SLC3A2: variants seen among roughly 807,000 people sequenced by gnomAD.
SLC3A2 encodes the protein solute carrier family 3 member 2.
SLC3A2 carries 32 observed loss-of-function variants against 48.5 expected under a neutral mutation model. That is an observed-to-expected ratio of 0.66 (90% CI 0.50 to 0.89). The LOEUF is 0.89. SLC3A2 is among the 40% of genes least tolerant of loss of function. The probability of loss-of-function intolerance (pLI) is 0.00; values close to 1 mark genes in which losing one functional copy is unlikely to be tolerated. For synonymous variants in SLC3A2, 277 were observed against 288.8 expected (o/e 0.96, Z 0.41); for missense variants, 587 against 680.7 (o/e 0.86, Z 1.53).
intron 1 of SLC3A2, among the ~76,000 whole-genome samples, chr11:62,862,059 G>A (rs897602547): frequency 6.6e-6 from 1 of 151,914 alleles, no homozygotes; most frequent in Non-Finnish European, 1.5e-5. Flanking sequence ...TGGCTTACCT[G>A]TAATCCCAGC....
chr11:62,878,028 C>T (rs576127062), upstream of SLC3A2, among the ~76,000 whole-genome samples: 18 of 152,068 alleles, frequency 1.2e-4, no homozygotes, highest in South Asian at 6.2e-4. Context: ...TGGCGGTGCA[C>T]GCCTCCTATA....
At chr11:62,882,179 A>G (rs2085650835) in intron 2 of SLC3A2, 113 bp downstream of exon 2, 2 of 1,230,578 alleles carry the variant, frequency 1.6e-6, no homozygotes, top group Non-Finnish European at 2.3e-6. Context: ...TTCCTAGGGC[A>G]GGTAGAGGGG....
At chr11:62,876,891 T>G (rs1249188762), upstream of SLC3A2, 51 of 1,015,322 alleles carry the variant, frequency 5.0e-5, no homozygotes, top group Non-Finnish European at 5.8e-5. Flanking sequence ...TGAGCCACAG[T>G]GCCTGGCAGT....
At chr11:62,867,145 C>G (rs1310043088) in intron 1 of SLC3A2, among the ~76,000 whole-genome samples, 3 of 151,662 alleles carry the variant, frequency 2.0e-5, no homozygotes, top group East Asian at 1.9e-4. Flanking sequence ...CATGCGCTAC[C>G]ACGCCCAGCT....
At chr11:62,876,853 CG>C, upstream of SLC3A2, 1 of 979,218 alleles carries the variant, frequency 1.0e-6, no homozygotes, top group South Asian at 2.0e-5. Context: ...CCGACTGCCT[CG>C]GCCTCCGGAA....
At chr11:62,882,875 G>C in intron 2 of SLC3A2, 33 bp from the exon 3 acceptor site, 1 of 1,519,310 alleles carries the variant, frequency 6.6e-7, no homozygotes. Context: ...CTCATAGACT[G>C]TCTCATGATT....
upstream of SLC3A2, chr11:62,880,712 C>G: frequency 3.2e-6 from 1 of 314,398 alleles, no homozygotes; most frequent in South Asian, 6.1e-5. Context: ...TTGAAAAGAA[C>G]TTTAGGGTTA....
chr11:62,877,690 A>C (rs2085584379), upstream of SLC3A2, among the ~76,000 whole-genome samples: 1 of 152,254 alleles, frequency 6.6e-6, no homozygotes, highest in Admixed American at 6.5e-5. Context: ...GGAAGGGCCA[A>C]CAGCAGAGGT....
chr11:62,864,099 C>T (rs551668934), intron 1 of SLC3A2, among the ~76,000 whole-genome samples: 15 of 152,252 alleles, frequency 9.9e-5, no homozygotes, highest in South Asian at 4.1e-4. Flanking sequence ...ACACCACACC[C>T]GTGCATTCTT....
At chr11:62,859,556 G>A (rs535933199) in intron 1 of SLC3A2, among the ~76,000 whole-genome samples, 2 of 152,142 alleles carry the variant, frequency 1.3e-5, no homozygotes, top group East Asian at 1.9e-4. Flanking sequence ...GTGTGGGTGC[G>A]GTGGCAGGCG....
chr11:62,887,907 C>T (rs1240008121), intron 7 of SLC3A2: 7 of 425,102 alleles, frequency 1.6e-5, no homozygotes, highest in Non-Finnish European at 8.7e-6. Context: ...ATCCTCCCTC[C>T]TCAGCCTCCC....
intron 1 of SLC3A2, among the ~76,000 whole-genome samples, chr11:62,873,654 A>G (rs375543433): frequency 7.9e-5 from 12 of 152,138 alleles, no homozygotes; most frequent in African/African-American, 2.4e-4. Context: ...ACTTTTTTTT[A>G]TAGAGACACG....
chr11:62,858,842 C>T (rs559466628), intron 1 of SLC3A2, among the ~76,000 whole-genome samples: 13 of 152,204 alleles, frequency 8.5e-5, no homozygotes, highest in Non-Finnish European at 1.9e-4. Context: ...TATGCATACA[C>T]ATAAACATCT....
In SLC3A2 at chr11:62,888,640, C is replaced by T. The variant is rs748739205; in HGVS notation, c.1537C>T (p.Leu513=). Reference sequence around the variant, plus strand: ...GGGCTCCCCTCTTGAGCTGGAACGCCTGAAACTGGAGCCTCACGAAGGGCT... The same window carrying T: ...GGGCTCCCCTCTTGAGCTGGAACGCTTGAAACTGGAGCCTCACGAAGGGCT... ...EEGSPLELER[L]KLEPHEGLLL... Residue 513 remains leucine, a synonymous_variant, in exon 9 of 9, where the codon CTG becomes TTG. Transcript: ENST00000338663. The T allele has an allele frequency of 2.5e-6, 4 of 1,606,630 alleles. No individual in the cohort carries two copies. The highest frequency in any genetic ancestry group is 1.7e-5 in the Admixed American group (1 of 59,996).
chr11:62,856,276 C>T (rs1565239442), exon 1 of SLC3A2: 1 of 1,610,956 alleles, frequency 6.2e-7, no homozygotes. Context: ...CTCCATGGAG[C>T]TACAGCCTCC....
At chr11:62,859,585 TAGG>T (rs982977110) in intron 1 of SLC3A2, among the ~76,000 whole-genome samples, 1 of 151,848 alleles carries the variant, frequency 6.6e-6, no homozygotes, top group African/African-American at 2.4e-5. Context: ...CCTAGCTACT[TAGG>T]AGGCTGAGGC....
At chr11:62,868,924 G>C (rs1373018056) in intron 1 of SLC3A2, among the ~76,000 whole-genome samples, 2 of 149,936 alleles carry the variant, frequency 1.3e-5, no homozygotes, top group South Asian at 4.2e-4. Flanking sequence ...TTTTTGAGAC[G>C]GTCTCATTCT....
chr11:62,870,834 AT>A (rs2085504752), intron 1 of SLC3A2: 2 of 200,782 alleles, frequency 1.0e-5, no homozygotes, highest in Non-Finnish European at 9.2e-6. Flanking sequence ...TGCCGAGATG[AT>A]AGGTAATAAT....
In SLC3A2 at chr11:62,884,377, T is replaced by C. The variant is rs191371745; in HGVS notation, c.691-80T>C. 8 of 1,466,122 alleles carry C rather than the reference T, an allele frequency of 5.5e-6. No homozygotes were observed. The East Asian group carries it at 1.6e-4, about 29-fold the overall frequency. 90.8% of individuals were successfully genotyped at this position (1,466,122 alleles called of 1,614,324 possible). On this transcript the variant is annotated intron_variant, in intron 3 of 8. Coordinates refer to ENST00000338663, the MANE Select transcript of SLC3A2 (RefSeq NM_001013251.3). ...AGCTCCCGGGGAAGTGTGTGGTGGG[T>C]GAGGTTTAGTGTGGGCTGGAATTTT...
Sources: allele counts gnomAD v4.1 joint callset (sites outside exome capture counted in the v4.1 genomes callset), GRCh38; gene constraint gnomAD v4.1.1; transcripts MANE v1.5; gene names NCBI Gene and HGNC (gene_info 2026-07-23, HGNC 2026-07-21).